CTNNA2: variants seen among roughly 807,000 people sequenced by gnomAD.
The protein encoded by CTNNA2 is catenin alpha 2, also known as catenin alpha-2.
In CTNNA2, 42 loss-of-function variants were observed where a neutral mutation model predicts 101.0. The observed-to-expected ratio is 0.42, with a 90% CI of 0.32 to 0.54. The LOEUF (loss-of-function observed/expected upper bound fraction) is 0.54, where lower values mean the gene tolerates loss of function less well. CTNNA2 is among the 20% of genes least tolerant of loss of function. The probability of loss-of-function intolerance (pLI) is 0.14; values close to 1 mark genes in which losing one functional copy is unlikely to be tolerated. For missense variants in CTNNA2, 871 were observed against 1,223.1 expected, an observed-to-expected ratio of 0.71 and a Z score of 4.29; for synonymous variants, 450 against 456.4, an observed-to-expected ratio of 0.99 and a Z score of 0.18.
intron 4 of CTNNA2, among the ~76,000 whole-genome samples, chr2:79,401,533 G>C (rs937434441): frequency 2.6e-5 from 4 of 151,372 alleles, no homozygotes; most frequent in Non-Finnish European, 4.4e-5. Context: ...GTTTTTATTA[G>C]TCTAAACCAC....
At chr2:79,907,979 C>T (rs1409227395) in intron 6 of CTNNA2, among the ~76,000 whole-genome samples, 5 of 152,168 alleles carry the variant, frequency 3.3e-5, no homozygotes, top group Non-Finnish European at 5.9e-5. Flanking sequence ...TGCATTTTAA[C>T]AGGAATCAGA....
At chr2:79,854,648 C>T (rs745652338) in intron 3 of CTNNA2, among the ~76,000 whole-genome samples, 20 of 152,038 alleles carry the variant, frequency 1.3e-4, no homozygotes, top group East Asian at 9.6e-4. Context: ...TGTTATTTTC[C>T]GTTGGTCCCT....
chr2:79,966,245 C>G (rs945806061), intron 7 of CTNNA2, among the ~76,000 whole-genome samples: 2 of 151,824 alleles, frequency 1.3e-5, no homozygotes, highest in Non-Finnish European at 2.9e-5. Flanking sequence ...TGACTAGAAT[C>G]TTTTTTGGGG....
At chr2:80,038,822 C>G (rs1184085291) in intron 7 of CTNNA2, among the ~76,000 whole-genome samples, 1 of 151,986 alleles carries the variant, frequency 6.6e-6, no homozygotes, top group Non-Finnish European at 1.5e-5. Context: ...GCACTCCAGC[C>G]TGGGTGACAC....
chr2:79,308,540 C>T (rs184760838), intron 2 of CTNNA2, among the ~76,000 whole-genome samples: 199 of 152,110 alleles, frequency 1.3e-3, no homozygotes, highest in African/African-American at 4.7e-3. Context: ...TGCTTTTGTT[C>T]CCTGTGCTTT....
intron 9 of CTNNA2, among the ~76,000 whole-genome samples, chr2:80,494,916 CG>C (rs1687334299): frequency 6.6e-6 from 1 of 152,038 alleles, no homozygotes; most frequent in African/African-American, 2.4e-5. Flanking sequence ...TCAGATATGG[CG>C]TAATTTTCCA....
At chr2:79,670,413 G>T (rs549586346) in intron 2 of CTNNA2, among the ~76,000 whole-genome samples, 21 of 152,306 alleles carry the variant, frequency 1.4e-4, no homozygotes, top group African/African-American at 4.6e-4. Flanking sequence ...CTGCAGTTGC[G>T]ATTTGGGTGG....
At chr2:80,330,538 T>A (rs921426197) in intron 7 of CTNNA2, among the ~76,000 whole-genome samples, 2 of 152,032 alleles carry the variant, frequency 1.3e-5, no homozygotes, top group Non-Finnish European at 2.9e-5. Context: ...TTAAAATAAA[T>A]TATTCTTAGC....
chr2:80,465,426 G>A (rs139792202), intron 9 of CTNNA2, among the ~76,000 whole-genome samples: 212 of 152,260 alleles, frequency 1.4e-3, no homozygotes, highest in African/African-American at 4.9e-3. Flanking sequence ...CATTACAAAT[G>A]GAAGACTGGG....
intron 7 of CTNNA2, among the ~76,000 whole-genome samples, chr2:80,202,327 A>T (rs1396251441): frequency 6.6e-6 from 1 of 152,178 alleles, no homozygotes; most frequent in East Asian, 1.9e-4. Context: ...CTGAAAGGAG[A>T]GGCCGACACA....
intron 7 of CTNNA2, among the ~76,000 whole-genome samples, chr2:79,963,358 C>T (rs1385488747): frequency 1.3e-5 from 2 of 152,082 alleles, no homozygotes; most frequent in Admixed American, 6.5e-5. Context: ...CTAAGTCAAG[C>T]GCCACAGTCT....
chr2:79,251,410 C>T (rs1477971470), intron 2 of CTNNA2, among the ~76,000 whole-genome samples: 1 of 152,142 alleles, frequency 6.6e-6, no homozygotes, highest in East Asian at 1.9e-4. Flanking sequence ...TCTAAGAGGA[C>T]CCTACTCATC....
chr2:79,227,420 T>C (rs1466514180), intron 2 of CTNNA2, among the ~76,000 whole-genome samples: 1 of 152,218 alleles, frequency 6.6e-6, no homozygotes, highest in Non-Finnish European at 1.5e-5. Context: ...ATTTCTATTC[T>C]AACTAGTATT....
intron 7 of CTNNA2, among the ~76,000 whole-genome samples, chr2:80,219,685 G>A (rs922649937): frequency 1.4e-4 from 22 of 152,066 alleles, no homozygotes; most frequent in African/African-American, 4.8e-4. Context: ...CCTTTAGAAA[G>A]GGTTTGATTA....
chr2:80,369,494 G>T (rs1017713382), intron 7 of CTNNA2, among the ~76,000 whole-genome samples: 8 of 152,020 alleles, frequency 5.3e-5, no homozygotes, highest in Admixed American at 4.6e-4. Context: ...TTGAAATTGT[G>T]GTAGGCAGAA....
chr2:80,143,337 A>G (rs1703131127), intron 7 of CTNNA2, among the ~76,000 whole-genome samples: 1 of 152,194 alleles, frequency 6.6e-6, no homozygotes, highest in African/African-American at 2.4e-5. Context: ...ATATTTATGG[A>G]GTATAAGTAA....
At chr2:79,546,500 A>T (rs547283941) in intron 1 of CTNNA2, among the ~76,000 whole-genome samples, 7 of 152,310 alleles carry the variant, frequency 4.6e-5, no homozygotes, top group African/African-American at 1.4e-4. Flanking sequence ...TAATTTCCTT[A>T]TAGTCCCTTT....
At chr2:79,445,230 CT>C (rs1285612269) in intron 4 of CTNNA2, among the ~76,000 whole-genome samples, 4 of 152,098 alleles carry the variant, frequency 2.6e-5, no homozygotes, top group African/African-American at 9.7e-5. Flanking sequence ...AGATTTTTGA[CT>C]TACAAAGAAC....
chr2:80,071,090 T>C (rs1406127370), intron 7 of CTNNA2, among the ~76,000 whole-genome samples: 1 of 152,230 alleles, frequency 6.6e-6, no homozygotes, highest in African/African-American at 2.4e-5. Context: ...ACTGATAGAT[T>C]TGAGGGCCAT....
Sources: allele counts gnomAD v4.1 joint callset (sites outside exome capture counted in the v4.1 genomes callset), GRCh38; gene constraint gnomAD v4.1.1; transcripts MANE v1.5; gene names NCBI Gene and HGNC (gene_info 2026-07-23, HGNC 2026-07-21).